The following ASMT variants were observed in gnomAD, a reference collection of about 807,000 sequenced individuals.
ASMT encodes the protein acetylserotonin O-methyltransferase, also known as acetylserotonin N-methyltransferase.
Under a neutral mutation model 41.3 loss-of-function variants are expected in ASMT, and 53 were observed. The observed-to-expected ratio is 1.28, with a 90% CI of 1.03 to 1.61. The LOEUF (loss-of-function observed/expected upper bound fraction) is 1.61, where lower values mean the gene tolerates loss of function less well. Ranked by LOEUF, ASMT falls within the 40% of genes most tolerant of loss-of-function variation. ASMT has a pLI of 0.00. For synonymous variants in ASMT, 231 were observed against 184.8 expected, an observed-to-expected ratio of 1.25 and a Z score of -2.03; for missense variants, 531 against 441.3, an observed-to-expected ratio of 1.20 and a Z score of -1.82.
intron 3 of ASMT, among the ~76,000 whole-genome samples, chrX:1,627,310 A>G (rs1441542107): frequency 6.7e-6 from 1 of 148,978 alleles, no homozygotes; most frequent in Non-Finnish European, 1.5e-5. Context: ...TGGGCGACAC[A>G]GCGAGACTCC....
intron 7 of ASMT, among the ~76,000 whole-genome samples, chrX:1,634,113 C>G (rs1239604293): frequency 4.6e-5 from 7 of 152,010 alleles, no homozygotes; most frequent in Admixed American, 4.6e-4. Flanking sequence ...GCCAGGGTCT[C>G]CACGACTACC....
intron 7 of ASMT, among the ~76,000 whole-genome samples, chrX:1,634,152 A>T (rs1394658957): frequency 6.6e-6 from 1 of 152,188 alleles, no homozygotes; most frequent in African/African-American, 2.4e-5. Flanking sequence ...CTAGAAGGAC[A>T]CACCGAGCTC....
At position 1,637,084 on chromosome X, in the gene ASMT, A is replaced by ATG. The variant is rs1569384611; in HGVS notation, c.910+524_910+525insTG. On this transcript the variant is annotated intron_variant, in intron 8 of 8. Transcript: ENST00000381241. ...GATGTGGGCACAGCCTCTGTGTGTG[A>ATG]GATAAGGACTGTGTCCCAGCTCTCC... Among the ~76,000 whole-genome samples the ATG allele has an allele frequency of 6.3e-3, 557 of 88,098 alleles. 63 individuals are homozygous for ATG. Among genetic ancestry groups the ATG allele is most frequent in the Non-Finnish European group, 9.7e-3 (407 of 41,856 alleles). 57.8% of individuals were successfully genotyped at this position (88,098 alleles called of 152,430 possible).
In ASMT at chrX:1,615,236, A is replaced by C. The variant is rs121918819; in HGVS notation, c.37A>C (p.Asn13His). Residue 13 changes from asparagine to histidine, a missense_variant, in exon 1 of 9, where the codon AAT becomes CAT. Asn to His is a moderately conservative substitution (Grantham distance 68). Transcript: ENST00000381241. ...AGAGGACCAGGCCTATCGCCTCCTT[A>C]ATGACTACGCCAACGGCTTCATGGT... ...SSEDQAYRLL[N>H]DYANGFMVSQ... is the part of the protein sequence containing the mutation. 170 of 1,599,090 alleles carry C rather than the reference A, an allele frequency of 1.1e-4. No individual in the cohort carries two copies. The highest frequency in any genetic ancestry group is 1.2e-4 in the Non-Finnish European group (136 of 1,173,000).
intron 3 of ASMT, among the ~76,000 whole-genome samples, chrX:1,625,964 A>AAG (rs1332965406): frequency 1.4e-4 from 21 of 151,370 alleles, no homozygotes; most frequent in Non-Finnish European, 1.2e-4. Context: ...CAAAAAAAAA[A>AAG]AAAAAAAAAT....
intron 2 of ASMT, 47 bp downstream of exon 2, chrX:1,623,360 C>T: frequency 1.2e-6 from 2 of 1,605,676 alleles, no homozygotes; most frequent in Non-Finnish European, 1.7e-6. Flanking sequence ...TAGACACCCT[C>T]TGCAGCCCAC....
chrX:1,636,484 G>A lies in ASMT; in HGVS notation c.834G>A (p.Leu278=). The A allele has an allele frequency of 1.2e-6, 2 of 1,613,876 alleles. No individual in the cohort carries two copies. The highest frequency in any genetic ancestry group is 4.5e-5 in the East Asian group (2 of 44,870). The change falls in exon 8 of 9, where the codon CTG becomes CTA. Residue 278 remains leucine, a synonymous_variant. Transcript: ENST00000381241. Reference sequence around the variant, plus strand: ...TTCCGGAAGCTGATCTGTACATCCTGGCCAGGGTCCTCCATGACTGGGCAG... The same window carrying A: ...TTCCGGAAGCTGATCTGTACATCCTAGCCAGGGTCCTCCATGACTGGGCAG... ...DPLPEADLYI[L]ARVLHDWADG...
chrX:1,630,758 A>G (rs1934742898), intron 5 of ASMT, among the ~76,000 whole-genome samples: 1 of 151,806 alleles, frequency 6.6e-6, no homozygotes. Flanking sequence ...GAGTCTCTCT[A>G]CGTTGCCCTG....
chrX:1,618,733 G>C (rs1934229222), intron 1 of ASMT, among the ~76,000 whole-genome samples: 1 of 152,316 alleles, frequency 6.6e-6, no homozygotes, highest in South Asian at 2.1e-4. Flanking sequence ...CAACATGTCT[G>C]GCTAATTTTT....
chrX:1,636,236 C>T (rs778924935), intron 7 of ASMT: 85 of 735,762 alleles, frequency 1.2e-4, no homozygotes, highest in Admixed American at 2.9e-4. Flanking sequence ...GGATTACAGG[C>T]GTGAGCCACC....
rs750680378 is a variant in ASMT at position 1,636,980 on chromosome X, T to C, written c.910+420T>C. 6.0e-3 allele frequency among the ~76,000 whole-genome samples: 401 copies of C among 66,356 alleles called. 6 individuals carry two copies. The highest frequency in any genetic ancestry group is 6.6e-3 in the Admixed American group (49 of 7,456). 43.5% of individuals were successfully genotyped at this position (66,356 alleles called of 152,430 possible). On this transcript the variant is annotated intron_variant, in intron 8 of 8. Coordinates refer to ENST00000381241, the MANE Select transcript of ASMT (RefSeq NM_001171038.2). ...CATCCATCCTGATGGCACATGAGGA[T>C]GTGGGCACAGCCTCTGTGTGTGATG... is the stretch of plus-strand genomic sequence containing the variant.
intron 7 of ASMT, among the ~76,000 whole-genome samples, chrX:1,635,881 A>G (rs1413896300): frequency 1.3e-5 from 2 of 151,910 alleles, no homozygotes; most frequent in Non-Finnish European, 2.9e-5. Flanking sequence ...AAACAAACAA[A>G]AAAACAAAAA....
At chrX:1,642,025 G>C (rs1179502401) in intron 8 of ASMT, among the ~76,000 whole-genome samples, 1 of 148,660 alleles carries the variant, frequency 6.7e-6, no homozygotes, top group Non-Finnish European at 1.5e-5. Context: ...GTGTAATGGG[G>C]ATAGCATCCC....
intron 3 of ASMT, 128 bp from the exon 4 acceptor site, chrX:1,627,575 C>T (rs1196884009): frequency 3.0e-5 from 29 of 960,542 alleles, no homozygotes; most frequent in South Asian, 7.7e-5. Context: ...GAGCCGAGAT[C>T]GTGCCATTGC....
In ASMT at chrX:1,636,505, G is replaced by A; in HGVS notation, c.855G>A (p.Trp285Ter). 1 of 1,613,874 alleles carries A rather than the reference G, an allele frequency of 6.2e-7. No homozygotes were observed. The highest frequency in any genetic ancestry group is 1.7e-4 in the Middle Eastern group (1 of 6,056). ...LYILARVLHD[W>*]ADGKCSHLLE... ...TCCTGGCCAGGGTCCTCCATGACTGGGCAGACGGAAAGTGCTCACACCTGC... is the reference window on the plus strand; with the variant it reads ...TCCTGGCCAGGGTCCTCCATGACTGAGCAGACGGAAAGTGCTCACACCTGC... The change falls in exon 8 of 9, where the codon TGG becomes TGA. Residue 285 changes from tryptophan (W) to a stop codon, truncating the protein, a stop_gained. Coordinates refer to ENST00000381241, the MANE Select transcript of ASMT (RefSeq NM_001171038.2). LOFTEE classifies it high-confidence loss of function.
intron 3 of ASMT, among the ~76,000 whole-genome samples, chrX:1,625,681 G>A (rs182590268): frequency 7.5e-4 from 114 of 152,066 alleles, no homozygotes; most frequent in African/African-American, 2.7e-3. Flanking sequence ...GTGGCCGGAC[G>A]CAGTAGCCCA....
chrX:1,616,100 C>T (rs1392707809), intron 1 of ASMT, among the ~76,000 whole-genome samples: 15 of 151,448 alleles, frequency 9.9e-5, no homozygotes, highest in Admixed American at 4.6e-4. Context: ...ACGGTCTTGG[C>T]TCACTGCAAC....
At chrX:1,633,338 C>T in intron 7 of ASMT, 48 bp downstream of exon 7, 1 of 1,612,218 alleles carries the variant, frequency 6.2e-7, no homozygotes, top group Non-Finnish European at 8.5e-7. Context: ...ACGGCTTCTC[C>T]AGGGGGACTG....
rs1934438584 is a variant in ASMT, at chrX:1,624,190, G to A, written c.245-79G>A. 4 of 1,558,856 alleles carry A rather than the reference G, an allele frequency of 2.6e-6. No individual in the cohort carries two copies. In the African/African-American group the frequency reaches 4.1e-5, roughly 16 times the overall value. On this transcript the variant is annotated intron_variant, in intron 2 of 8. Coordinates refer to ENST00000381241, the MANE Select transcript of ASMT (RefSeq NM_001171038.2). ...CTTGTAATCATGTTGAAATCACGAT[G>A]TTGTCGAGCTGGGGAGCGTCCGCCG...
Sources: allele counts gnomAD v4.1 joint callset (sites outside exome capture counted in the v4.1 genomes callset), GRCh38; gene constraint gnomAD v4.1.1; transcripts MANE v1.5; gene names NCBI Gene and HGNC (gene_info 2026-07-23, HGNC 2026-07-21).